ANKRD30B: variants seen among roughly 807,000 people sequenced by gnomAD.
ANKRD30B encodes the protein ankyrin repeat domain 30B.
ANKRD30B carries 144 observed loss-of-function variants against 202.2 expected under a neutral mutation model. That is an observed-to-expected ratio of 0.71 (90% CI 0.62 to 0.82). ANKRD30B has a LOEUF of 0.82. ANKRD30B is among the 40% of genes least tolerant of loss of function. ANKRD30B has a pLI of 0.00. For synonymous variants in ANKRD30B, 508 were observed against 561.3 expected, an observed-to-expected ratio of 0.91 and a Z score of 1.34; for missense variants, 1,487 against 1,669.1, an observed-to-expected ratio of 0.89 and a Z score of 1.90.
the ANKRD30B span, among the ~76,000 whole-genome samples, chr18:14,926,524 G>A: frequency 6.6e-6 from 1 of 152,222 alleles, no homozygotes; most frequent in African/African-American, 2.4e-5. Flanking sequence ...TGTGGCACAG[G>A]TGTGGACCCA....
chr18:14,754,041 A>T (rs1397007819), intron 3 of ANKRD30B, among the ~76,000 whole-genome samples: 1 of 152,176 alleles, frequency 6.6e-6, no homozygotes, highest in Non-Finnish European at 1.5e-5. Context: ...ATAAACTTTT[A>T]TACTGAATTT....
At chr18:14,907,045 G>A in the ANKRD30B span, among the ~76,000 whole-genome samples, 1 of 152,250 alleles carries the variant, frequency 6.6e-6, no homozygotes, top group East Asian at 1.9e-4. Context: ...GAATTATGGA[G>A]GTCAAAGTTC....
intron 4 of ANKRD30B, among the ~76,000 whole-genome samples, chr18:14,755,834 T>C (rs1180886419): frequency 6.6e-6 from 1 of 152,182 alleles, no homozygotes; most frequent in South Asian, 2.1e-4. Flanking sequence ...TCCAAGTCTT[T>C]GCTATTGTGA....
intron 12 of ANKRD30B, among the ~76,000 whole-genome samples, chr18:14,782,854 C>A (rs1967843756): frequency 1.3e-5 from 2 of 151,952 alleles, no homozygotes; most frequent in South Asian, 4.1e-4. Context: ...TGAGGAAAGT[C>A]AGGAAATAAG....
intron 34 of ANKRD30B, among the ~76,000 whole-genome samples, chr18:14,836,996 A>G (rs1348277176): frequency 6.6e-6 from 1 of 152,172 alleles, no homozygotes; most frequent in African/African-American, 2.4e-5. Flanking sequence ...GTTTTCACAT[A>G]TCTCTACCAT....
In ANKRD30B at chr18:14,837,472, G is replaced by T. The variant is rs557351750; in HGVS notation, c.2927-143G>T. On this transcript the variant is annotated intron_variant, in intron 35 of 43. Coordinates refer to ENST00000690538, the MANE Select transcript of ANKRD30B (RefSeq NM_001367607.2). ...TCATACTATCAACTCTTTTTTTTCT[G>T]AACCTGCTTCAATTCTGAAATTCTA... 4.3e-3 allele frequency: 3,636 copies of T among 846,414 alleles called. 17 individuals carry two copies. Among genetic ancestry groups the T allele is most frequent in the Non-Finnish European group, 4.9e-3 (2,773 of 570,268 alleles). The allele number at this position is 846,414 out of a possible 1,614,324, so 52.4% of individuals were successfully genotyped here.
At chr18:14,757,703 T>G in intron 4 of ANKRD30B, 112 bp from the exon 5 acceptor site, 2 of 1,187,120 alleles carry the variant, frequency 1.7e-6, no homozygotes, top group Non-Finnish European at 2.3e-6. Context: ...GATAAACACT[T>G]GAGCACTCAA....
At chr18:14,761,283 G>A (rs1009374815) in intron 6 of ANKRD30B, among the ~76,000 whole-genome samples, 1 of 152,136 alleles carries the variant, frequency 6.6e-6, no homozygotes, top group South Asian at 2.1e-4. Flanking sequence ...CAAGGGTTCC[G>A]AGCCCATTAC....
the ANKRD30B span, among the ~76,000 whole-genome samples, chr18:14,890,315 T>C: frequency 6.6e-6 from 1 of 151,912 alleles, no homozygotes; most frequent in South Asian, 2.1e-4. Flanking sequence ...TTGTAGAAAA[T>C]ATGTCTGTAT....
intron 34 of ANKRD30B, among the ~76,000 whole-genome samples, chr18:14,832,316 C>T (rs1249008810): frequency 1.3e-5 from 2 of 152,130 alleles, no homozygotes; most frequent in African/African-American, 4.8e-5. Context: ...TTAAATTCTT[C>T]AACTAAATGA....
At chr18:14,826,693 T>TCTCACACA (rs762792279) in intron 32 of ANKRD30B, among the ~76,000 whole-genome samples, 1,729 of 125,004 alleles carry the variant, frequency 0.014, 15 homozygotes, top group Middle Eastern at 0.02. Flanking sequence ...TCTCTCTCTC[T>TCTCACACA]CACACACACA....
the ANKRD30B span, among the ~76,000 whole-genome samples, chr18:14,862,409 T>G: frequency 2.0e-5 from 3 of 152,088 alleles, no homozygotes; most frequent in Non-Finnish European, 4.4e-5. Flanking sequence ...AAGATTCCAA[T>G]AAGCACAATA....
At chr18:14,763,586 T>C (rs1240162115) in intron 6 of ANKRD30B, 100 bp from the exon 7 acceptor site, 3 of 1,493,868 alleles carry the variant, frequency 2.0e-6, no homozygotes, top group East Asian at 2.4e-5. Context: ...TTTGGTAATA[T>C]TTAAGGAAAG....
the ANKRD30B span, among the ~76,000 whole-genome samples, chr18:14,876,861 T>C: frequency 6.6e-6 from 1 of 152,198 alleles, no homozygotes; most frequent in South Asian, 2.1e-4. Flanking sequence ...GCCAGGTTTT[T>C]AAGGTGAAGA....
chr18:14,816,792 A>T (rs1223620096), intron 30 of ANKRD30B: 2 of 152,244 alleles, frequency 1.3e-5, no homozygotes, highest in Non-Finnish European at 2.9e-5. Context: ...ATAAAAAATG[A>T]TAAGTTCATG....
At chr18:14,873,086 G>T in the ANKRD30B span, among the ~76,000 whole-genome samples, 1 of 152,180 alleles carries the variant, frequency 6.6e-6, no homozygotes, top group African/African-American at 2.4e-5. Flanking sequence ...ATACTTTGCA[G>T]AAGTCTGGGA....
chr18:14,806,700 G>A (rs1246734963), intron 24 of ANKRD30B, among the ~76,000 whole-genome samples: 7 of 148,724 alleles, frequency 4.7e-5, no homozygotes, highest in Admixed American at 1.3e-4. Flanking sequence ...TCATCTCTGC[G>A]TGTTTTGCTT....
chr18:14,872,710 A>G, the ANKRD30B span, among the ~76,000 whole-genome samples: 1 of 152,110 alleles, frequency 6.6e-6, no homozygotes, highest in African/African-American at 2.4e-5. Context: ...AATGCTCCCC[A>G]CACATGGAAT....
chr18:14,759,678 T>A (rs1234616939), intron 5 of ANKRD30B, among the ~76,000 whole-genome samples: 1 of 152,234 alleles, frequency 6.6e-6, no homozygotes, highest in East Asian at 1.9e-4. Flanking sequence ...GTTAGTTTTC[T>A]GCCCTTGGTG....
Sources: gnomAD v4.1 joint callset for allele counts (sites outside exome capture counted in the v4.1 genomes callset) on GRCh38, gnomAD v4.1.1 for gene constraint, MANE v1.5 for transcripts, NCBI Gene and HGNC (gene_info 2026-07-23, HGNC 2026-07-21) for gene names.